ZFAT: variants seen among roughly 807,000 people sequenced by gnomAD.
The protein encoded by ZFAT is zinc finger and AT-hook domain containing.
A neutral mutation model predicts 117.7 loss-of-function variants in ZFAT; 64 were observed. The observed-to-expected ratio is 0.54, with a 90% CI of 0.44 to 0.67. The LOEUF (loss-of-function observed/expected upper bound fraction) is 0.67, where lower values mean the gene tolerates loss of function less well. ZFAT is among the 30% of genes least tolerant of loss of function. ZFAT has a pLI of 0.00. For missense variants in ZFAT, 1,433 were observed against 1,584.5 expected, an observed-to-expected ratio of 0.90 and a Z score of 1.62; for synonymous variants, 679 against 615.0, an observed-to-expected ratio of 1.10 and a Z score of -1.54.
chr8:134,769,212 C>A, the ZFAT span, among the ~76,000 whole-genome samples: 1 of 152,154 alleles, frequency 6.6e-6, no homozygotes. Flanking sequence ...AGTCCAAAGT[C>A]TCATCCAAGA....
chr8:134,594,031 G>A (rs760135692), intron 7 of ZFAT, among the ~76,000 whole-genome samples: 47 of 152,330 alleles, frequency 3.1e-4, no homozygotes, highest in Non-Finnish European at 6.0e-4. Context: ...AGCCAGAAAC[G>A]TGCTCGATTT....
At chr8:134,826,020 C>CAA in the ZFAT span, among the ~76,000 whole-genome samples, 126 of 87,784 alleles carry the variant, frequency 1.4e-3, no homozygotes, top group African/African-American at 3.8e-3. Context: ...GACTCTGTCT[C>CAA]AAAAAAAAAA....
At chr8:134,529,190 G>A (rs1374877159) in intron 12 of ZFAT, among the ~76,000 whole-genome samples, 3 of 152,140 alleles carry the variant, frequency 2.0e-5, no homozygotes, top group Non-Finnish European at 4.4e-5. Context: ...ATAACCTAGA[G>A]AGACTTGAGG....
chr8:134,799,498 GT>G, the ZFAT span, among the ~76,000 whole-genome samples: 4 of 152,112 alleles, frequency 2.6e-5, no homozygotes, highest in African/African-American at 9.7e-5. Flanking sequence ...TGGAAATAAC[GT>G]TTAGACCAAT....
intron 3 of ZFAT, among the ~76,000 whole-genome samples, chr8:134,616,609 TTCC>T (rs1221538405): frequency 1.3e-5 from 2 of 152,200 alleles, no homozygotes; most frequent in African/African-American, 4.8e-5. Context: ...TTTCTACTCT[TTCC>T]TGTCTATGCT....
At chr8:134,811,871 A>G in the ZFAT span, among the ~76,000 whole-genome samples, 1 of 152,216 alleles carries the variant, frequency 6.6e-6, no homozygotes, top group South Asian at 2.1e-4. Flanking sequence ...ACAATTTAAA[A>G]TACCTATCTT....
the ZFAT span, among the ~76,000 whole-genome samples, chr8:134,759,984 A>AC: frequency 0.011 from 1,570 of 149,056 alleles, 49 homozygotes; most frequent in African/African-American, 0.037. Flanking sequence ...AAAAAAAAAA[A>AC]AAAAAACAAA....
chr8:134,722,560 C>T, the ZFAT span, among the ~76,000 whole-genome samples: 16 of 152,146 alleles, frequency 1.1e-4, no homozygotes, highest in East Asian at 3.8e-4. Context: ...AAATAAGAAA[C>T]GATCCGTGGT....
chr8:134,675,769 A>C (rs1832769383), intron 1 of ZFAT, among the ~76,000 whole-genome samples: 1 of 152,236 alleles, frequency 6.6e-6, no homozygotes, highest in African/African-American at 2.4e-5. Flanking sequence ...ACAAGCCAGA[A>C]GAGAGTAGGA....
the ZFAT span, among the ~76,000 whole-genome samples, chr8:134,737,687 C>A: frequency 6.6e-6 from 1 of 152,164 alleles, no homozygotes; most frequent in African/African-American, 2.4e-5. Flanking sequence ...TAGTGAGGAG[C>A]TAAGGCTAAT....
At chr8:134,536,757 T>C (rs1346890767) in intron 11 of ZFAT, among the ~76,000 whole-genome samples, 1 of 152,178 alleles carries the variant, frequency 6.6e-6, no homozygotes, top group Non-Finnish European at 1.5e-5. Context: ...CCTAAATATA[T>C]ACAGGTTTTG....
At chr8:134,831,187 T>C in the ZFAT span, among the ~76,000 whole-genome samples, 5 of 152,232 alleles carry the variant, frequency 3.3e-5, no homozygotes, top group South Asian at 2.1e-4. Flanking sequence ...GCCTGACACC[T>C]GAAACTCTTC....
At chr8:134,489,389 G>C (rs1049941983) in intron 15 of ZFAT, among the ~76,000 whole-genome samples, 1 of 152,058 alleles carries the variant, frequency 6.6e-6, no homozygotes, top group Non-Finnish European at 1.5e-5. Context: ...CCCCAGGCCT[G>C]CTCTCTTCCA....
At chr8:134,686,558 C>T (rs1437897284) in intron 1 of ZFAT, among the ~76,000 whole-genome samples, 8 of 152,064 alleles carry the variant, frequency 5.3e-5, no homozygotes, top group East Asian at 3.8e-4. Context: ...GGAAAAAAAA[C>T]GATATTCTGA....
At chr8:134,655,667 T>A (rs892884896) in intron 2 of ZFAT, among the ~76,000 whole-genome samples, 3 of 151,810 alleles carry the variant, frequency 2.0e-5, no homozygotes, top group African/African-American at 7.3e-5. Context: ...ATGAAAAAAA[T>A]AAAAATTAAA....
At chr8:134,666,173 A>T (rs1251477924) in intron 1 of ZFAT, among the ~76,000 whole-genome samples, 6 of 152,158 alleles carry the variant, frequency 3.9e-5, no homozygotes, top group African/African-American at 1.4e-4. Context: ...GCAGAGGCCC[A>T]GTTGGGAGCC....
intron 7 of ZFAT, among the ~76,000 whole-genome samples, chr8:134,595,296 T>A (rs1240138860): frequency 6.6e-6 from 1 of 152,128 alleles, no homozygotes; most frequent in Non-Finnish European, 1.5e-5. Context: ...TAATAAGATA[T>A]CCTAGCTGTG....
chr8:134,702,494 A>G (rs1268273216), intron 1 of ZFAT, among the ~76,000 whole-genome samples: 2 of 152,036 alleles, frequency 1.3e-5, no homozygotes, highest in Non-Finnish European at 2.9e-5. Context: ...TACTGTTCTG[A>G]TGATAGTTAA....
the ZFAT span, among the ~76,000 whole-genome samples, chr8:134,778,169 C>T: frequency 1.3e-5 from 2 of 152,148 alleles, no homozygotes; most frequent in African/African-American, 2.4e-5. Context: ...TTAATTAAAA[C>T]CACTTCCATT....
Sources: allele counts gnomAD v4.1 joint callset (sites outside exome capture counted in the v4.1 genomes callset), GRCh38; gene constraint gnomAD v4.1.1; transcripts MANE v1.5; gene names NCBI Gene and HGNC (gene_info 2026-07-23, HGNC 2026-07-21).